Variants in REC114 observed in about 807,000 individuals in gnomAD.
The protein encoded by REC114 is REC114 meiotic recombination protein.
Under a neutral mutation model 31.3 loss-of-function variants are expected in REC114, and 27 were observed. The ratio of observed to expected loss-of-function variants is 0.86; its 90% CI spans 0.64 to 1.19. The LOEUF is 1.19. Ranked by LOEUF, REC114 falls within the 50% of genes most tolerant of loss-of-function variation. The pLI, the probability that REC114 is intolerant of heterozygous loss-of-function variation, is 0.00. For synonymous variants in REC114, 134 were observed against 127.7 expected (o/e 1.05, Z -0.33); for missense variants, 344 against 326.9 (o/e 1.05, Z -0.40).
At chr15:73,488,477 A>C (rs1893402400) in intron 2 of REC114, among the ~76,000 whole-genome samples, 3 of 152,300 alleles carry the variant, frequency 2.0e-5, no homozygotes, top group Admixed American at 2.0e-4. Context: ...TAAGCAGTTA[A>C]GAGAGTCCAT....
At chr15:73,541,274 A>G (rs1421691718) in intron 3 of REC114, among the ~76,000 whole-genome samples, 1 of 152,114 alleles carries the variant, frequency 6.6e-6, no homozygotes, top group Admixed American at 6.5e-5. Flanking sequence ...ATTTCCTTCC[A>G]CTATGAATGT....
rs1434636400 is a variant in REC114 at position 73,461,931 on chromosome 15, T to C, written c.160-11901T>C. 1.0e-3 allele frequency among the ~76,000 whole-genome samples: 148 copies of C among 143,392 alleles called. 2 individuals carry two copies. Among genetic ancestry groups the C allele is most frequent in the African/African-American group, 2.8e-3 (109 of 39,050 alleles). The allele number at this position is 143,392 out of a possible 152,430, so 94.1% of individuals were successfully genotyped here. A position where few individuals can be genotyped will look rare whatever the true frequency, so the allele number is the denominator to read the frequency against. ...TTTTTCTTTTTCTTTTCTTTTTTTT[T>C]TTTTTTTTTTTTTTTTTAAAGACAG... On this transcript the variant is annotated intron_variant, in intron 1 of 5. Coordinates refer to ENST00000331090, the MANE Select transcript of REC114 (RefSeq NM_001042367.2).
At chr15:73,461,078 A>T (rs1250935742) in intron 1 of REC114, among the ~76,000 whole-genome samples, 1 of 152,126 alleles carries the variant, frequency 6.6e-6, no homozygotes. Flanking sequence ...TTGTAAAAGA[A>T]AAAGTTCTCT....
At position 73,529,282 on chromosome 15, in the gene REC114, C is replaced by T. The variant is rs754222759; in HGVS notation, c.250-11203C>T. Among the ~76,000 whole-genome samples, 11 of 151,890 alleles carry T rather than the reference C, an allele frequency of 7.2e-5. 1 individual carries two copies. The highest frequency in any genetic ancestry group is 5.9e-4 in the Admixed American group (9 of 15,242). On this transcript the variant is annotated intron_variant, in intron 2 of 5. Transcript: ENST00000331090. ...CCTCCTGAGTAGCTGGGACTACAGG[C>T]GCCCGCCACCATGCCCAACTAATTT...
chr15:73,462,884 CA>C (rs769569268), intron 1 of REC114, among the ~76,000 whole-genome samples: 1,857 of 55,630 alleles, frequency 0.033, 8 homozygotes, highest in African/African-American at 0.052. Context: ...GACTCCGTCT[CA>C]AAAAAAAAAA....
chr15:73,556,363 G>A lies in REC114; in HGVS notation c.608G>A (p.Gly203Glu). 1 of 1,613,792 alleles carries A rather than the reference G, an allele frequency of 6.2e-7. No individual in the cohort carries two copies. Among genetic ancestry groups the A allele is most frequent in the Non-Finnish European group, 8.5e-7 (1 of 1,179,778 alleles). ...CVTAGTGAPDGRTSLTQLAQT... is the reference protein window; with the variant it reads ...CVTAGTGAPDERTSLTQLAQT... ...ACAGCGGGCACAGGCGCTCCAGACG[G>A]AAGGACCTCACTGACGCAGTTAGCT... Residue 203 changes from glycine (G) to glutamate (E), a missense_variant, in exon 5 of 6, where the codon GGA becomes GAA. Transcript: ENST00000331090.
At chr15:73,450,525 C>A (rs541712320) in intron 1 of REC114, among the ~76,000 whole-genome samples, 3 of 152,282 alleles carry the variant, frequency 2.0e-5, no homozygotes, top group South Asian at 4.1e-4. Context: ...GACTTCCACA[C>A]AATAATAGTG....
In REC114 at chr15:73,527,506, A is replaced by C. The variant is rs555794317; in HGVS notation, c.250-12979A>C. Among the ~76,000 whole-genome samples, 85 of 152,268 alleles carry C rather than the reference A, an allele frequency of 5.6e-4. 1 individual carries two copies. Among genetic ancestry groups the C allele is most frequent in the African/African-American group, 1.8e-3 (76 of 41,560 alleles). The stretch of plus-strand genomic sequence containing the variant: ...GTGCCAAAGTCTGGAAATTAATTTT[A>C]GGAAGAAAGCCTGGGTGATGGTAGG... On this transcript the variant is annotated intron_variant, in intron 2 of 5. Coordinates refer to ENST00000331090, the MANE Select transcript of REC114 (RefSeq NM_001042367.2).
At chr15:73,523,572 T>C (rs1893965290) in intron 2 of REC114, among the ~76,000 whole-genome samples, 1 of 152,196 alleles carries the variant, frequency 6.6e-6, no homozygotes, top group Non-Finnish European at 1.5e-5. Flanking sequence ...AATGTAGAAG[T>C]ATGGAGTCCT....
In REC114 at chr15:73,540,680, T is replaced by C. The variant is rs1264506033; in HGVS notation, c.333+112T>C. On this transcript the variant is annotated intron_variant, in intron 3 of 5. Coordinates refer to ENST00000331090, the MANE Select transcript of REC114 (RefSeq NM_001042367.2). The stretch of plus-strand genomic sequence containing the variant: ...CGGGTACTGGGAAGAATACAAATGT[T>C]TAAGAAAGGTTTGTACTATGAGAAA... 5 of 916,054 alleles carry C rather than the reference T, an allele frequency of 5.5e-6. No homozygotes were observed. In the Admixed American group the frequency reaches 7.4e-5, roughly 14 times the overall value. The allele number at this position is 916,054 out of a possible 1,614,324, so 56.7% of individuals were successfully genotyped here. A position where few individuals can be genotyped will look rare whatever the true frequency, so the allele number is the denominator to read the frequency against.
chr15:73,477,539 C>T (rs1265136225), intron 2 of REC114, among the ~76,000 whole-genome samples: 1 of 152,092 alleles, frequency 6.6e-6, no homozygotes. Flanking sequence ...ATCTCAGCCT[C>T]CTGAGTAGCT....
In REC114 at chr15:73,454,014, T is replaced by A. The variant is rs567749044; in HGVS notation, c.159+10670T>A. ...GGATAGCATTAGGATAAATACCTAA[T>A]GTAGACCACAGGTTAATGGGTGCAG... On this transcript the variant is annotated intron_variant, in intron 1 of 5. Transcript: ENST00000331090. 2.7e-3 allele frequency among the ~76,000 whole-genome samples: 418 copies of A among 152,202 alleles called. 3 individuals carry two copies. The highest frequency in any genetic ancestry group is 9.5e-3 in the African/African-American group (394 of 41,526).
Position 73,500,915 on chromosome 15 carries a change from C to A in REC114, c.249+26994C>A, listed in dbSNP as rs188469358. 3.3e-5 allele frequency among the ~76,000 whole-genome samples: 5 copies of A among 152,088 alleles called. No individual in the cohort carries two copies. The East Asian group carries it at 9.7e-4, about 29-fold the overall frequency. ...CCTCTGCCCCCAGGATATGGACCAG[C>A]CTGTGATGGGCCCACTTTGTGTCAG... is the stretch of plus-strand genomic sequence containing the variant. On this transcript the variant is annotated intron_variant, in intron 2 of 5. Transcript: ENST00000331090.
chr15:73,451,853 C>A (rs1011246695), intron 1 of REC114, among the ~76,000 whole-genome samples: 1 of 152,158 alleles, frequency 6.6e-6, no homozygotes, highest in Non-Finnish European at 1.5e-5. Flanking sequence ...AAATGTAATC[C>A]ATCACATAAA....
intron 2 of REC114, among the ~76,000 whole-genome samples, chr15:73,504,767 A>G (rs959468157): frequency 6.6e-6 from 1 of 151,964 alleles, no homozygotes; most frequent in Non-Finnish European, 1.5e-5. Context: ...TATTTTTGTT[A>G]CTTATTAAAA....
chr15:73,526,402 CT>C (rs1894008759), intron 2 of REC114, among the ~76,000 whole-genome samples: 1 of 151,946 alleles, frequency 6.6e-6, no homozygotes, highest in Non-Finnish European at 1.5e-5. Context: ...CTTTTCGTTA[CT>C]TTTGGGTTAA....
intron 2 of REC114, among the ~76,000 whole-genome samples, chr15:73,491,469 C>A (rs1893446047): frequency 6.6e-6 from 1 of 152,088 alleles, no homozygotes; most frequent in African/African-American, 2.4e-5. Context: ...CTTTTATGAA[C>A]ATTTATATAT....
intron 4 of REC114, among the ~76,000 whole-genome samples, chr15:73,552,889 C>T (rs1210950836): frequency 2.0e-5 from 3 of 152,176 alleles, no homozygotes; most frequent in Non-Finnish European, 2.9e-5. Context: ...GATCTCGGCT[C>T]ACTGCAACCT....
intron 5 of REC114, among the ~76,000 whole-genome samples, chr15:73,558,570 G>C (rs939169374): frequency 1.3e-5 from 2 of 152,238 alleles, no homozygotes; most frequent in Non-Finnish European, 2.9e-5. Context: ...AACATTATTA[G>C]TCATTAGGCA....
Sources: gnomAD v4.1 joint callset for allele counts (sites outside exome capture counted in the v4.1 genomes callset) on GRCh38, gnomAD v4.1.1 for gene constraint, MANE v1.5 for transcripts, NCBI Gene and HGNC (gene_info 2026-07-23, HGNC 2026-07-21) for gene names.